CFAP46: variants seen among roughly 807,000 people sequenced by gnomAD.
The protein encoded by CFAP46 is cilia and flagella associated protein 46.
A neutral mutation model predicts 325.7 loss-of-function variants in CFAP46; 245 were observed. The ratio of observed to expected loss-of-function variants is 0.75; its 90% CI spans 0.68 to 0.84. The LOEUF (loss-of-function observed/expected upper bound fraction) is 0.84, where lower values mean the gene tolerates loss of function less well. Among genes scored for constraint, CFAP46 ranks in the 40% least tolerant of loss-of-function variants. CFAP46 has a pLI of 0.00. For missense variants in CFAP46, 3,346 were observed against 3,543.0 expected, an observed-to-expected ratio of 0.94 and a Z score of 1.41; for synonymous variants, 1,523 against 1,495.9, an observed-to-expected ratio of 1.02 and a Z score of -0.42.
chr10:132,837,062 G>T (rs1028871732), intron 44 of CFAP46, 148 bp from the exon 45 acceptor site: 1 of 617,358 alleles, frequency 1.6e-6, no homozygotes, highest in Non-Finnish European at 2.8e-6. Context: ...TTGGGGTGGG[G>T]GGCCCTGCTG....
Position 132,846,108 on chromosome 10 carries a change from G to T in CFAP46, c.6387C>A (p.Thr2129=). 1 of 1,607,654 alleles carries T rather than the reference G, an allele frequency of 6.2e-7. No individual in the cohort carries two copies. The change falls in exon 44 of 58, where the codon ACC becomes ACA. Residue 2129 remains threonine (T), a synonymous_variant. Coordinates refer to ENST00000368586, the MANE Select transcript of CFAP46 (RefSeq NM_001200049.3). ...LQHQLRCQDR[T]TTSLGARVEQ... is the part of the protein sequence containing the mutation. ...CCACACGGGCGCCCAGGCTGGTGGT[G>T]GTCCTGTCTTGGCACCGGAGCTGGT...
intron 44 of CFAP46, among the ~76,000 whole-genome samples, chr10:132,838,975 C>A (rs1848309301): frequency 6.6e-6 from 1 of 152,254 alleles, no homozygotes; most frequent in South Asian, 2.1e-4. Flanking sequence ...GACTAATGAA[C>A]TTGAGCACCA....
intron 7 of CFAP46, among the ~76,000 whole-genome samples, chr10:132,935,285 TC>T (rs1849975343): frequency 7.1e-6 from 1 of 140,812 alleles, no homozygotes. Flanking sequence ...ATCTCCTCAC[TC>T]CCCTGAGCAC....
chr10:132,907,235 C>A (rs2075820432), intron 22 of CFAP46, among the ~76,000 whole-genome samples: 1 of 152,258 alleles, frequency 6.6e-6, no homozygotes, highest in African/African-American at 2.4e-5. Context: ...TTATTAGACC[C>A]AGGAAATTAG....
intron 32 of CFAP46, among the ~76,000 whole-genome samples, chr10:132,870,760 T>C (rs1848886361): frequency 6.6e-6 from 1 of 152,138 alleles, no homozygotes; most frequent in Non-Finnish European, 1.5e-5. Flanking sequence ...CTCTGTCACA[T>C]AAAAATGCCA....
chr10:132,934,900 T>C (rs1849968991), intron 7 of CFAP46, 38 bp from the exon 8 acceptor site: 1 of 1,268,292 alleles, frequency 7.9e-7, no homozygotes, highest in Non-Finnish European at 1.2e-6. Flanking sequence ...CACAAGATCC[T>C]GTCAGATTTA....
At chr10:132,936,368 C>CAT in intron 7 of CFAP46, among the ~76,000 whole-genome samples, 2 of 78,126 alleles carry the variant, frequency 2.6e-5, no homozygotes, top group African/African-American at 1.2e-4. Flanking sequence ...CTCCCCTCGG[C>CAT]ACCCAAACAC....
rs1848711307 is a variant in CFAP46, at chr10:132,860,817, G to A, written c.5056C>T (p.Leu1686Phe). Reference protein sequence around the residue: ...YNSTLTLAEALLSMEHSGREA... With the variant: ...YNSTLTLAEAFLSMEHSGREA... The stretch of plus-strand genomic sequence containing the variant: ...CTTCCTGAGTGTTCCATGGACAAGA[G>A]CGCCTCTGCCAGGGTCAGAGTGGAA... Residue 1686 changes from leucine to phenylalanine, a missense_variant, in exon 36 of 58, where the codon CTC becomes TTC. By Grantham distance (22) the Leu-to-Phe change is conservative (BLOSUM62 0). Coordinates refer to ENST00000368586, the MANE Select transcript of CFAP46 (RefSeq NM_001200049.3). 6.4e-7 allele frequency: 1 copy of A among 1,551,006 alleles called. No homozygotes were observed.
intron 19 of CFAP46, 90 bp downstream of exon 19, chr10:132,912,564 TC>T (rs1564798408): frequency 0.032 from 35,681 of 1,104,200 alleles, 3,471 homozygotes; most frequent in Admixed American, 0.089. Context: ...TTCACCTCTC[TC>T]CTCTTTCACC....
chr10:132,901,295 G>T (rs1849388820), intron 22 of CFAP46, among the ~76,000 whole-genome samples: 1 of 152,154 alleles, frequency 6.6e-6, no homozygotes, highest in Admixed American at 6.5e-5. Flanking sequence ...GACTGATATG[G>T]GTCAAATCCA....
chr10:132,879,725 T>C, intron 28 of CFAP46, 94 bp from the exon 29 acceptor site: 2 of 1,278,540 alleles, frequency 1.6e-6, no homozygotes, highest in East Asian at 2.7e-5. Context: ...TGTGGTGGAC[T>C]GCCCGGTGCC....
At position 132,939,385 on chromosome 10, in the gene CFAP46, A is replaced by T. The variant is rs1323587690; in HGVS notation, c.372-632T>A. ...CAGGGGTCTGGGCCTCTCCCTGGGC[A>T]GCAGGGAGCATTGCAGGGACTGAAG... On this transcript the variant is annotated intron_variant, in intron 4 of 57. Coordinates refer to ENST00000368586, the MANE Select transcript of CFAP46 (RefSeq NM_001200049.3). This position sits in a 1 kb window ranked among gnomAD's most constrained non-coding sequence, Gnocchi z 4.6. Among the ~76,000 whole-genome samples, 2 of 152,192 alleles carry T rather than the reference A, an allele frequency of 1.3e-5. No individual in the cohort carries two copies. Among genetic ancestry groups the T allele is most frequent in the Non-Finnish European group, 2.9e-5 (2 of 68,010 alleles).
chr10:132,940,444 C>T (rs1215079737), intron 4 of CFAP46, among the ~76,000 whole-genome samples: 4 of 152,166 alleles, frequency 2.6e-5, no homozygotes, highest in African/African-American at 4.8e-5. Flanking sequence ...GTGCTGGAGT[C>T]GCCTCCGCAG....
chr10:132,837,019 G>C, intron 44 of CFAP46, 105 bp from the exon 45 acceptor site: 1 of 885,326 alleles, frequency 1.1e-6, no homozygotes, highest in Admixed American at 2.0e-5. Flanking sequence ...CCACGGCGGG[G>C]GCTTTGTACC....
At chr10:132,846,251 A>G (rs2135099634) in intron 43 of CFAP46, 24 bp from the exon 44 acceptor site, 1 of 1,607,408 alleles carries the variant, frequency 6.2e-7, no homozygotes, top group Non-Finnish European at 8.5e-7. Context: ...GGGGAGGTGT[A>G]CCAGGGGCCC....
At chr10:132,925,024 C>G in intron 10 of CFAP46, 138 bp from the exon 11 acceptor site, 1 of 632,208 alleles carries the variant, frequency 1.6e-6, no homozygotes, top group Non-Finnish European at 2.4e-6. Context: ...CAAATCTGTC[C>G]GTGAAAATGG....
At position 132,829,239 on chromosome 10, in the gene CFAP46, G is replaced by A. The variant is rs1018756832; in HGVS notation, c.7117+4119C>T. Among the ~76,000 whole-genome samples the A allele has an allele frequency of 2.0e-5, 3 of 152,010 alleles. No individual in the cohort carries two copies. In the East Asian group the frequency reaches 5.8e-4, roughly 29 times the overall value. On this transcript the variant is annotated intron_variant, in intron 50 of 57. Coordinates refer to ENST00000368586, the MANE Select transcript of CFAP46 (RefSeq NM_001200049.3). Reference sequence around the variant, plus strand: ...TTTGTTGAGTTCTTTAATCTCTCTCGGCAATGTTTTATAGTATGAGCGTAT... The same window carrying A: ...TTTGTTGAGTTCTTTAATCTCTCTCAGCAATGTTTTATAGTATGAGCGTAT...
intron 8 of CFAP46, among the ~76,000 whole-genome samples, chr10:132,934,478 C>T (rs1849961118): frequency 6.6e-6 from 1 of 152,216 alleles, no homozygotes; most frequent in African/African-American, 2.4e-5. Flanking sequence ...GCCACGCAGC[C>T]ACCAGAACCG....
At position 132,835,370 on chromosome 10, in the gene CFAP46, G is replaced by A. The variant is rs1296176828; in HGVS notation, c.6678C>T (p.Ala2226=). ...CCTGGGTCTGCTTCCGGAACTGCTG[G>A]GCACAGGCCAGCAGGTGGGAGAAGG... ...PTAFSHLLAC[A]QQFRKQTQAQ... is the part of the protein sequence containing the mutation. Residue 2226 remains alanine, a synonymous_variant, in exon 47 of 58, where the codon GCC becomes GCT. Transcript: ENST00000368586. 6 of 1,613,698 alleles carry A rather than the reference G, an allele frequency of 3.7e-6. No individual in the cohort carries two copies.
Sources: allele counts gnomAD v4.1 joint callset (sites outside exome capture counted in the v4.1 genomes callset), GRCh38; gene constraint gnomAD v4.1.1; non-coding constraint Gnocchi (gnomAD v3.1); transcripts MANE v1.5; gene names NCBI Gene and HGNC (gene_info 2026-07-23, HGNC 2026-07-21).